PDYN: variants seen among roughly 807,000 people sequenced by gnomAD.
PDYN encodes prodynorphin, also known as proenkephalin-B.
Under a neutral mutation model 11.4 loss-of-function variants are expected in PDYN, and 5 were observed. The ratio of observed to expected loss-of-function variants is 0.44; its 90% CI spans 0.23 to 0.92. The LOEUF (loss-of-function observed/expected upper bound fraction) is 0.92. PDYN is among the 40% of genes least tolerant of loss of function. The pLI, the probability that PDYN is intolerant of heterozygous loss-of-function variation, is 0.24. For synonymous variants in PDYN, 132 were observed against 129.5 expected (o/e 1.02, Z -0.13); for missense variants, 337 against 317.3 (o/e 1.06, Z -0.47).
chr20:1,985,054 G>A (rs970197915), intron 2 of PDYN, among the ~76,000 whole-genome samples: 8 of 152,026 alleles, frequency 5.3e-5, no homozygotes, highest in South Asian at 2.1e-4. Context: ...TTCATGCTTC[G>A]CCCAGCATGG....
intron 1 of PDYN, chr20:1,993,598 G>A (rs1339146861): frequency 1.3e-5 from 2 of 152,176 alleles, no homozygotes; most frequent in Admixed American, 6.5e-5. Context: ...CAGACCCTGG[G>A]AATGGCATGG....
chr20:1,984,532 C>T (rs950545743), intron 2 of PDYN, among the ~76,000 whole-genome samples: 1 of 152,118 alleles, frequency 6.6e-6, no homozygotes, highest in African/African-American at 2.4e-5. Context: ...CTCCTAAAAC[C>T]CCGGCCAGCA....
chr20:1,985,023 C>T (rs529018578), intron 2 of PDYN, among the ~76,000 whole-genome samples: 1 of 152,270 alleles, frequency 6.6e-6, no homozygotes, highest in African/African-American at 2.4e-5. Context: ...TAAGACACTC[C>T]ACCCCACCCT....
chr20:1,991,753 G>A (rs990685724), intron 2 of PDYN, among the ~76,000 whole-genome samples: 1 of 152,228 alleles, frequency 6.6e-6, no homozygotes, highest in African/African-American at 2.4e-5. Context: ...TGATGGAAGA[G>A]ATCTAATAAA....
At position 1,980,470 on chromosome 20, in the gene PDYN, G is replaced by C. The variant is rs1279805007; in HGVS notation, c.618C>G (p.Arg206=). Residue 206 remains arginine (R), a synonymous_variant, in exon 4 of 4, where the codon CGC becomes CGG. Coordinates refer to ENST00000217305, the MANE Select transcript of PDYN (RefSeq NM_024411.5). ...DSMGHEDLYK[R]YGGFLRRIRP... The stretch of plus-strand genomic sequence containing the variant: ...GAATGCGCCGCAAGAAGCCCCCATA[G>C]CGTTTGTACAGGTCCTCATGGCCCA... 1 of 1,613,210 alleles carries C rather than the reference G, an allele frequency of 6.2e-7. No individual in the cohort carries two copies. The highest frequency in any genetic ancestry group is 1.7e-5 in the Admixed American group (1 of 59,940).
At chr20:1,983,193 C>T in intron 2 of PDYN, 90 bp from the exon 3 acceptor site, 2 of 1,105,988 alleles carry the variant, frequency 1.8e-6, no homozygotes, top group Non-Finnish European at 1.3e-6. Context: ...CTAACTCCTG[C>T]CCACAGCACT....
At position 1,980,345 on chromosome 20, in the gene PDYN, G is replaced by A; in HGVS notation, c.743C>T (p.Ser248Phe). The A allele has an allele frequency of 6.2e-7, 1 of 1,614,168 alleles. No homozygotes were observed. The highest frequency in any genetic ancestry group is 2.2e-5 in the East Asian group (1 of 44,866). The change falls in exon 4 of 4, where the codon TCT becomes TTT. Residue 248 changes from serine (S) to phenylalanine (F), a missense_variant. Ser to Phe is a radical substitution (Grantham distance 155). Coordinates refer to ENST00000217305, the MANE Select transcript of PDYN (RefSeq NM_024411.5). Reference protein sequence around the residue: ...TRSQEDPNAYSGELFDA With the variant: ...TRSQEDPNAYFGELFDA ...TGCTTATGCATCAAAAAGCTCTCCA[G>A]AGTAAGCATTCGGATCTTCCTGAGA...
chr20:1,991,512 C>A (rs890241571), intron 2 of PDYN, among the ~76,000 whole-genome samples: 2 of 152,164 alleles, frequency 1.3e-5, no homozygotes, highest in African/African-American at 4.8e-5. Flanking sequence ...CACTCCATTT[C>A]GAGGGTCTGA....
intron 2 of PDYN, among the ~76,000 whole-genome samples, chr20:1,991,708 G>A (rs1458838196): frequency 6.6e-6 from 1 of 152,202 alleles, no homozygotes; most frequent in Non-Finnish European, 1.5e-5. Flanking sequence ...GGCATGCATT[G>A]AAATCGAACC....
At chr20:1,993,119 G>A (rs1988522927) in intron 1 of PDYN, among the ~76,000 whole-genome samples, 2 of 144,310 alleles carry the variant, frequency 1.4e-5, no homozygotes, top group South Asian at 2.2e-4. Flanking sequence ...TTGAGACTTG[G>A]TACTTTTCTG....
chr20:1,980,492 C>T lies in PDYN; in HGVS notation c.596G>A (p.Gly199Asp). The change falls in exon 4 of 4, where the codon GGC becomes GAC. Residue 199 changes from glycine (G) to aspartate (D), a missense_variant. Transcript: ENST00000217305. ...VAGEGDGDSMGHEDLYKRYGG... is the reference protein window; with the variant it reads ...VAGEGDGDSMDHEDLYKRYGG... Reference sequence around the variant, plus strand: ...ATAGCGTTTGTACAGGTCCTCATGGCCCATGCTATCCCCGTCCCCCTCCCC... The same window carrying T: ...ATAGCGTTTGTACAGGTCCTCATGGTCCATGCTATCCCCGTCCCCCTCCCC... 1 of 1,613,054 alleles carries T rather than the reference C, an allele frequency of 6.2e-7. No individual in the cohort carries two copies. Among genetic ancestry groups the T allele is most frequent in the South Asian group, 1.1e-5 (1 of 91,060 alleles).
In PDYN at chr20:1,979,762, G is replaced by A. The variant is rs886056531; in HGVS notation, c.*561C>T. Reference sequence around the variant, plus strand: ...GCAATGTTTAAGCTTTTTACCTAAAGCATCGTCTCCAAAGTCAGGTGCACA... The same window carrying A: ...GCAATGTTTAAGCTTTTTACCTAAAACATCGTCTCCAAAGTCAGGTGCACA... On this transcript the variant is annotated 3_prime_UTR_variant, in exon 4 of 4. Coordinates refer to ENST00000217305, the MANE Select transcript of PDYN (RefSeq NM_024411.5). 3.6e-5 allele frequency: 6 copies of A among 166,948 alleles called. No individual in the cohort carries two copies. In the East Asian group the frequency reaches 6.6e-4, roughly 18 times the overall value. The allele number at this position is 166,948 out of a possible 1,614,324, so 10.3% of individuals were successfully genotyped here. A position where few individuals can be genotyped will look rare whatever the true frequency, so the allele number is the denominator to read the frequency against.
chr20:1,988,839 A>G (rs902080597), intron 2 of PDYN, among the ~76,000 whole-genome samples: 2 of 152,220 alleles, frequency 1.3e-5, no homozygotes, highest in Admixed American at 6.5e-5. Flanking sequence ...GCCTAATCAC[A>G]TGAGCCAATT....
At chr20:1,983,690 C>G (rs1305892046) in intron 2 of PDYN, among the ~76,000 whole-genome samples, 1 of 152,196 alleles carries the variant, frequency 6.6e-6, no homozygotes, top group Non-Finnish European at 1.5e-5. Flanking sequence ...GCCTCCCTGC[C>G]TGCCTCCAGT....
At chr20:1,990,606 G>A (rs1175652577) in intron 2 of PDYN, among the ~76,000 whole-genome samples, 2 of 152,212 alleles carry the variant, frequency 1.3e-5, no homozygotes, top group East Asian at 3.8e-4. Context: ...TGCATTTGCT[G>A]TGCAGAGACC....
intron 3 of PDYN, among the ~76,000 whole-genome samples, chr20:1,982,373 G>C (rs1470513645): frequency 6.6e-6 from 1 of 152,208 alleles, no homozygotes; most frequent in Admixed American, 6.5e-5. Flanking sequence ...GAGCTAGAAA[G>C]GGACAGAATC....
rs1987937353 is a variant in PDYN at position 1,983,069 on chromosome 20, G to GC, written c.15dup (p.Leu6AlafsTer52). On this transcript the variant is annotated frameshift_variant, in exon 3 of 4. Coordinates refer to ENST00000217305, the MANE Select transcript of PDYN (RefSeq NM_024411.5). LOFTEE classifies it high-confidence loss of function. ...ATGAGGAGGCAGGCAGCCAGGACCA[G>GC]CCCCTGCCAGGCCATCCTGTCTCAG... is the stretch of plus-strand genomic sequence containing the variant. The GC allele has an allele frequency of 6.2e-7, 1 of 1,613,416 alleles. No individual in the cohort carries two copies. The highest frequency in any genetic ancestry group is 1.7e-5 in the Admixed American group (1 of 59,988).
chr20:1,983,641 C>T (rs776203160), intron 2 of PDYN, among the ~76,000 whole-genome samples: 67 of 152,196 alleles, frequency 4.4e-4, no homozygotes, highest in Non-Finnish European at 8.4e-4. Context: ...CTGTCACTGA[C>T]CTTGGCCACG....
intron 1 of PDYN, among the ~76,000 whole-genome samples, chr20:1,993,073 T>C (rs1005242992): frequency 2.8e-5 from 4 of 140,734 alleles, no homozygotes; most frequent in Admixed American, 7.1e-5. Context: ...TTTTTTTTTT[T>C]CCTGAAACTC....
Sources: gnomAD v4.1 joint callset for allele counts (sites outside exome capture counted in the v4.1 genomes callset) on GRCh38, gnomAD v4.1.1 for gene constraint, MANE v1.5 for transcripts, NCBI Gene and HGNC (gene_info 2026-07-23, HGNC 2026-07-21) for gene names.